Variants in MYO3B observed in about 807,000 individuals in gnomAD.
The protein encoded by MYO3B is myosin IIIB, also known as myosin-IIIb.
MYO3B carries 156 observed loss-of-function variants against 174.6 expected under a neutral mutation model. The observed-to-expected ratio is 0.89, with a 90% CI of 0.78 to 1.02. MYO3B has a LOEUF of 1.02. MYO3B is among the 50% of genes least tolerant of loss of function. The probability of loss-of-function intolerance (pLI) is 0.00; values close to 1 mark genes in which losing one functional copy is unlikely to be tolerated. For synonymous variants in MYO3B, 563 were observed against 569.1 expected, an observed-to-expected ratio of 0.99 and a Z score of 0.15; for missense variants, 1,632 against 1,639.4, an observed-to-expected ratio of 1.00 and a Z score of 0.08.
In MYO3B at chr2:170,509,016, G is replaced by C. The variant is rs902076176; in HGVS notation, c.3371-5905G>C. 2.2e-5 allele frequency among the ~76,000 whole-genome samples: 3 copies of C among 137,360 alleles called. No individual in the cohort carries two copies. In the East Asian group the frequency reaches 6.4e-4, roughly 29 times the overall value. The allele number at this position is 137,360 out of a possible 152,430, so 90.1% of individuals were successfully genotyped here. ...CCTTCCTAAATGTCAACTTCACTGG[G>C]GGGGAAAAAAGTCTGTGAAATACTC... On this transcript the variant is annotated intron_variant, in intron 28 of 34. Transcript: ENST00000408978.
In MYO3B at chr2:170,441,662, C is replaced by A. The variant is rs549446819; in HGVS notation, c.2651-2305C>A. The stretch of plus-strand genomic sequence containing the variant: ...GGAAAAGGGTGGTCAATTCCTGGAA[C>A]TGAGGGGTCCTCCCCCTTTTAGACC... On this transcript the variant is annotated intron_variant, in intron 22 of 34. Transcript: ENST00000408978. Among the ~76,000 whole-genome samples, 3 of 152,318 alleles carry A rather than the reference C, an allele frequency of 2.0e-5. No individual in the cohort carries two copies. The South Asian group carries it at 6.2e-4, about 32-fold the overall frequency.
At chr2:170,578,629 C>T (rs138258848) in intron 32 of MYO3B, among the ~76,000 whole-genome samples, 110 of 152,316 alleles carry the variant, frequency 7.2e-4, no homozygotes, top group Non-Finnish European at 1.3e-3. Context: ...ATGTATTCAA[C>T]GTCCTAGTGT....
intron 7 of MYO3B, among the ~76,000 whole-genome samples, chr2:170,251,333 C>T (rs1324979010): frequency 6.6e-6 from 1 of 152,018 alleles, no homozygotes; most frequent in Non-Finnish European, 1.5e-5. Flanking sequence ...TGGCAGAGGG[C>T]AAGCTTGAAG....
chr2:170,473,193 A>G (rs1575036742), intron 25 of MYO3B, among the ~76,000 whole-genome samples: 1 of 117,382 alleles, frequency 8.5e-6, no homozygotes, highest in Non-Finnish European at 1.6e-5. Context: ...CCTAGGCTGG[A>G]GTGTAGTGGG....
intron 16 of MYO3B, among the ~76,000 whole-genome samples, chr2:170,396,698 C>T (rs574294558): frequency 2.0e-5 from 3 of 152,024 alleles, no homozygotes; most frequent in Admixed American, 6.5e-5. Context: ...AGAGAAGCAA[C>T]GGGGCAAGAT....
chr2:170,290,879 A>T (rs2093591092), intron 7 of MYO3B, among the ~76,000 whole-genome samples: 1 of 152,286 alleles, frequency 6.6e-6, no homozygotes, highest in East Asian at 1.9e-4. Context: ...TTACAAAAAA[A>T]AAAAAGAACT....
rs181854707 is a variant in MYO3B at position 170,221,810 on chromosome 2, T to C, written c.603+4415T>C. Among the ~76,000 whole-genome samples, 417 of 152,302 alleles carry C rather than the reference T, an allele frequency of 2.7e-3. 5 individuals carry two copies. Among genetic ancestry groups the C allele is most frequent in the African/African-American group, 9.5e-3 (395 of 41,582 alleles). On this transcript the variant is annotated intron_variant, in intron 6 of 34. Transcript: ENST00000408978. The stretch of plus-strand genomic sequence containing the variant: ...TCCAACTCCTAAGCTCAAGCATTCC[T>C]TCTGCTTCAGCCTCCCGAGTAGCTG...
At position 170,252,134 on chromosome 2, in the gene MYO3B, A is replaced by G. The variant is rs1486305523; in HGVS notation, c.749+15998A>G. Among the ~76,000 whole-genome samples the G allele has an allele frequency of 2.0e-5, 3 of 152,240 alleles. No individual in the cohort carries two copies. The East Asian group carries it at 5.8e-4, about 29-fold the overall frequency. Reference sequence around the variant, plus strand: ...TATGTTGCATCTTTGCCTTGATGATAATGCACTTACCTGAAGATCACAGTC... The same window carrying G: ...TATGTTGCATCTTTGCCTTGATGATGATGCACTTACCTGAAGATCACAGTC... On this transcript the variant is annotated intron_variant, in intron 7 of 34. Transcript: ENST00000408978.
intron 7 of MYO3B, among the ~76,000 whole-genome samples, chr2:170,291,117 T>C (rs1488318833): frequency 6.6e-6 from 1 of 151,890 alleles, no homozygotes; most frequent in Non-Finnish European, 1.5e-5. Context: ...GGCATGGTGA[T>C]GGGCACCTGT....
intron 32 of MYO3B, among the ~76,000 whole-genome samples, chr2:170,591,392 T>G (rs1477777273): frequency 6.6e-6 from 1 of 152,108 alleles, no homozygotes; most frequent in East Asian, 1.9e-4. Flanking sequence ...TTCTCTGAGA[T>G]CAAAAATTAA....
chr2:170,230,588 A>C (rs1313740935), intron 6 of MYO3B, among the ~76,000 whole-genome samples: 1 of 152,000 alleles, frequency 6.6e-6, no homozygotes, highest in Non-Finnish European at 1.5e-5. Flanking sequence ...GCCCTTGAAA[A>C]TTAAGGCAAA....
At chr2:170,220,628 CAAAA>C (rs71006077) in intron 6 of MYO3B, among the ~76,000 whole-genome samples, 21,914 of 85,030 alleles carry the variant, frequency 0.26, 2,326 homozygotes, top group East Asian at 0.45. Flanking sequence ...GATTCCGTCT[CAAAA>C]AAAAAAAAAA....
At chr2:170,592,180 T>G (rs983514804) in intron 32 of MYO3B, among the ~76,000 whole-genome samples, 1 of 152,192 alleles carries the variant, frequency 6.6e-6, no homozygotes, top group African/African-American at 2.4e-5. Flanking sequence ...CTAAAATTGT[T>G]CTCGTATGTG....
rs1559206526 is a variant in MYO3B at position 170,652,159 on chromosome 2, A to ATATC, written c.3887+7_3887+10dup. 6.2e-7 allele frequency: 1 copy of ATATC among 1,613,912 alleles called. No individual in the cohort carries two copies. The highest frequency in any genetic ancestry group is 8.5e-7 in the Non-Finnish European group (1 of 1,179,848). Reference sequence around the variant, plus strand: ...GAGGAAGCCAAGAAAACTTGGGTAAATATCTGTCTTCTTAGTTCTAAGCAA... The same window carrying ATATC: ...GAGGAAGCCAAGAAAACTTGGGTAAATATCTATCTGTCTTCTTAGTTCTAAGCAA... On this transcript the variant is annotated splice_donor_region_variant and intron_variant, in intron 34 of 34. Coordinates refer to ENST00000408978, the MANE Select transcript of MYO3B (RefSeq NM_138995.5).
At chr2:170,208,658 G>A (rs2092739823) in intron 3 of MYO3B, among the ~76,000 whole-genome samples, 1 of 152,110 alleles carries the variant, frequency 6.6e-6, no homozygotes, top group African/African-American at 2.4e-5. Context: ...AACAACTAAT[G>A]AGTCTAGAAT....
chr2:170,589,843 C>T (rs1422524793), intron 32 of MYO3B, among the ~76,000 whole-genome samples: 1 of 152,168 alleles, frequency 6.6e-6, no homozygotes, highest in East Asian at 1.9e-4. Flanking sequence ...CACTGACGCA[C>T]CCAGTGCAAC....
In MYO3B at chr2:170,536,078, T is replaced by G. The variant is rs561766734; in HGVS notation, c.3576-6828T>G. ...CCTTAGACTTTTACACAGTGACAGC[T>G]GCCTGCAGTAAAGTAGTGAAGGAGG... is the stretch of plus-strand genomic sequence containing the variant. On this transcript the variant is annotated intron_variant, in intron 30 of 34. Coordinates refer to ENST00000408978, the MANE Select transcript of MYO3B (RefSeq NM_138995.5). 2.6e-5 allele frequency among the ~76,000 whole-genome samples: 4 copies of G among 152,310 alleles called. No homozygotes were observed. The South Asian group carries it at 8.3e-4, about 32-fold the overall frequency.
intron 32 of MYO3B, among the ~76,000 whole-genome samples, chr2:170,591,574 G>A (rs1194745872): frequency 1.4e-5 from 2 of 138,592 alleles, no homozygotes; most frequent in South Asian, 2.4e-4. Context: ...CAGCAGAGCA[G>A]GACAAAGACT....
chr2:170,416,522 CA>C (rs1209503137), intron 22 of MYO3B, among the ~76,000 whole-genome samples: 11,428 of 60,190 alleles, frequency 0.19, 441 homozygotes, highest in East Asian at 0.47. Context: ...GACTCCGTCT[CA>C]AAAAAAAAAA....
Sources: allele counts gnomAD v4.1 joint callset (sites outside exome capture counted in the v4.1 genomes callset), GRCh38; gene constraint gnomAD v4.1.1; transcripts MANE v1.5; gene names NCBI Gene and HGNC (gene_info 2026-07-23, HGNC 2026-07-21).